EDIL3: variants seen among roughly 807,000 people sequenced by gnomAD.
The protein encoded by EDIL3 is EGF-like repeat and discoidin I-like domain-containing protein 3.
Under a neutral mutation model 67.4 loss-of-function variants are expected in EDIL3, and 37 were observed. That is an observed-to-expected ratio of 0.55 (90% confidence interval 0.42 to 0.72). The LOEUF is 0.72. Among genes scored for constraint, EDIL3 ranks in the 30% least tolerant of loss-of-function variants. EDIL3 has a pLI of 0.00. For missense variants in EDIL3, 527 were observed against 586.3 expected (o/e 0.90, Z 1.04); for synonymous variants, 195 against 196.3 (o/e 0.99, Z 0.05).
At chr5:84,173,041 A>G (rs1748839429) in intron 4 of EDIL3, among the ~76,000 whole-genome samples, 1 of 152,264 alleles carries the variant, frequency 6.6e-6, no homozygotes, top group Admixed American at 6.5e-5. Flanking sequence ...TGACAACAGG[A>G]GGTCAGAGAA....
intron 5 of EDIL3, among the ~76,000 whole-genome samples, chr5:84,132,497 ATTTT>A (rs1748003560): frequency 8.8e-6 from 1 of 113,008 alleles, no homozygotes; most frequent in African/African-American, 3.6e-5. Flanking sequence ...TATATTATAT[ATTTT>A]ATATATAATA....
chr5:84,180,344 T>C, intron 4 of EDIL3, 49 bp downstream of exon 4: 2 of 1,525,914 alleles, frequency 1.3e-6, no homozygotes, highest in South Asian at 1.3e-5. Flanking sequence ...ATGGCTTGTA[T>C]ACTTTGTAAT....
chr5:84,178,987 A>T (rs190493693), intron 4 of EDIL3, among the ~76,000 whole-genome samples: 1 of 152,192 alleles, frequency 6.6e-6, no homozygotes, highest in Non-Finnish European at 1.5e-5. Flanking sequence ...TATATTTTAT[A>T]TATTGTTTGA....
chr5:84,351,480 T>C (rs1747360980), intron 1 of EDIL3, among the ~76,000 whole-genome samples: 1 of 152,148 alleles, frequency 6.6e-6, no homozygotes, highest in African/African-American at 2.4e-5. Flanking sequence ...CCTAAGATCC[T>C]TTCAGGGATC....
intron 9 of EDIL3, among the ~76,000 whole-genome samples, chr5:84,004,153 A>G (rs1411791595): frequency 6.6e-6 from 1 of 152,208 alleles, no homozygotes; most frequent in East Asian, 1.9e-4. Context: ...GGCACATAAC[A>G]CTGGAGTATC....
chr5:84,205,560 T>A (rs1448781850), intron 3 of EDIL3, among the ~76,000 whole-genome samples: 3 of 152,202 alleles, frequency 2.0e-5, no homozygotes, highest in Non-Finnish European at 2.9e-5. Context: ...TTTTGGTTGG[T>A]AAACTATTGA....
chr5:84,238,196 T>C (rs1306764507), intron 2 of EDIL3, among the ~76,000 whole-genome samples: 1 of 152,072 alleles, frequency 6.6e-6, no homozygotes, highest in Non-Finnish European at 1.5e-5. Context: ...GTATTTCATA[T>C]GGTTACAGTT....
At chr5:83,954,274 T>C (rs1454503543) in intron 10 of EDIL3, among the ~76,000 whole-genome samples, 1 of 151,760 alleles carries the variant, frequency 6.6e-6, no homozygotes, top group Non-Finnish European at 1.5e-5. Flanking sequence ...ATTTTTGCTA[T>C]ATTCTAATTG....
intron 1 of EDIL3, among the ~76,000 whole-genome samples, chr5:84,332,768 G>GC (rs1746900836): frequency 6.6e-6 from 1 of 152,064 alleles, no homozygotes; most frequent in Non-Finnish European, 1.5e-5. Flanking sequence ...TATTTAAGGT[G>GC]CAAACAATAT....
At chr5:84,294,768 G>A (rs958143027) in intron 1 of EDIL3, among the ~76,000 whole-genome samples, 17 of 152,154 alleles carry the variant, frequency 1.1e-4, no homozygotes, top group Admixed American at 2.6e-4. Flanking sequence ...GTCAGGTGCT[G>A]TGGTAACACA....
intron 4 of EDIL3, among the ~76,000 whole-genome samples, chr5:84,175,967 A>T (rs1371492364): frequency 6.6e-6 from 1 of 151,940 alleles, no homozygotes; most frequent in Non-Finnish European, 1.5e-5. Context: ...ATTAAGAATG[A>T]TCATGAAAAC....
rs116598063 is a variant in EDIL3, at chr5:84,205,005, C to T, written c.227-24484G>A. Among the ~76,000 whole-genome samples, 1,024 of 152,040 alleles carry T rather than the reference C, an allele frequency of 6.7e-3. 10 individuals are homozygous for T. Among genetic ancestry groups the T allele is most frequent in the African/African-American group, 0.023 (961 of 41,466 alleles). ...ACAGCTCACCATAGCTTTGATCTCCCGGGCACAAGCAATCCTCCAGCTTCA... is the reference window on the plus strand; with the variant it reads ...ACAGCTCACCATAGCTTTGATCTCCTGGGCACAAGCAATCCTCCAGCTTCA... On this transcript the variant is annotated intron_variant, in intron 3 of 10. Coordinates refer to ENST00000296591, the MANE Select transcript of EDIL3 (RefSeq NM_005711.5).
chr5:84,311,827 T>C (rs1332742894), intron 1 of EDIL3, among the ~76,000 whole-genome samples: 1 of 152,162 alleles, frequency 6.6e-6, no homozygotes, highest in Non-Finnish European at 1.5e-5. Flanking sequence ...CTTAATCCAT[T>C]TAACCCTGAG....
At chr5:84,289,959 C>G (rs1440379647) in intron 1 of EDIL3, among the ~76,000 whole-genome samples, 4 of 152,180 alleles carry the variant, frequency 2.6e-5, no homozygotes, top group Non-Finnish European at 4.4e-5. Context: ...TAATATCCCA[C>G]TGCCTAATGA....
intron 1 of EDIL3, among the ~76,000 whole-genome samples, chr5:84,270,839 G>T (rs1206929954): frequency 8.5e-5 from 13 of 152,090 alleles, no homozygotes; most frequent in Non-Finnish European, 1.2e-4. Context: ...CGTGGAGAAG[G>T]CAGACATGAA....
chr5:83,974,629 G>A (rs1204027131), intron 9 of EDIL3, among the ~76,000 whole-genome samples: 1 of 151,968 alleles, frequency 6.6e-6, no homozygotes, highest in Non-Finnish European at 1.5e-5. Flanking sequence ...AGATCTGGCA[G>A]GGCTATCTAG....
At chr5:84,061,269 G>T (rs1350509648) in intron 8 of EDIL3, among the ~76,000 whole-genome samples, 1 of 151,934 alleles carries the variant, frequency 6.6e-6, no homozygotes, top group Non-Finnish European at 1.5e-5. Context: ...ATGTATTTTT[G>T]AGTTTAATAC....
chr5:83,985,378 G>T (rs2112153462), intron 9 of EDIL3, among the ~76,000 whole-genome samples: 1 of 152,130 alleles, frequency 6.6e-6, no homozygotes, highest in East Asian at 1.9e-4. Flanking sequence ...TTTTTTTAAA[G>T]ACTCTAATTC....
chr5:84,019,719 A>G (rs1388971825), intron 9 of EDIL3, among the ~76,000 whole-genome samples: 1 of 152,056 alleles, frequency 6.6e-6, no homozygotes, highest in Non-Finnish European at 1.5e-5. Flanking sequence ...TATTTAACAT[A>G]TTGTCCTTGG....
Sources: gnomAD v4.1 joint callset for allele counts (sites outside exome capture counted in the v4.1 genomes callset) on GRCh38, gnomAD v4.1.1 for gene constraint, MANE v1.5 for transcripts, NCBI Gene and HGNC (gene_info 2026-07-23, HGNC 2026-07-21) for gene names.